ANTXR1: variants seen among roughly 807,000 people sequenced by gnomAD.
ANTXR1 encodes the protein ANTXR cell adhesion molecule 1, also known as anthrax toxin receptor 1.
Under a neutral mutation model 78.1 loss-of-function variants are expected in ANTXR1, and 19 were observed. The observed-to-expected ratio is 0.24, with a 90% CI of 0.17 to 0.36. ANTXR1 has a LOEUF of 0.36. Ranked by LOEUF, ANTXR1 falls within the 10% of genes least tolerant of loss-of-function variation. ANTXR1 has a pLI of 1.00. For missense variants in ANTXR1, 518 were observed against 718.6 expected (o/e 0.72, Z 3.19); for synonymous variants, 273 against 260.5 (o/e 1.05, Z -0.46).
At chr2:69,156,156 C>G (rs1673519709) in intron 13 of ANTXR1, among the ~76,000 whole-genome samples, 1 of 152,186 alleles carries the variant, frequency 6.6e-6, no homozygotes, top group Non-Finnish European at 1.5e-5. Context: ...TAACTTACCT[C>G]TATGGATAAG....
chr2:69,030,002 G>A (rs770782084), intron 1 of ANTXR1, among the ~76,000 whole-genome samples: 7 of 152,230 alleles, frequency 4.6e-5, no homozygotes, highest in Admixed American at 2.6e-4. Flanking sequence ...AAGAAGATGC[G>A]GTTTATTCTT....
intron 12 of ANTXR1, among the ~76,000 whole-genome samples, chr2:69,134,171 T>G (rs35701323): frequency 0.19 from 28,669 of 152,134 alleles, 3,183 homozygotes; most frequent in East Asian, 0.42. Context: ...TTGTGTTCAG[T>G]ACCAAGGACA....
intron 9 of ANTXR1, 60 bp downstream of exon 9, chr2:69,090,979 C>G: frequency 6.5e-7 from 1 of 1,529,732 alleles, no homozygotes; most frequent in South Asian, 1.1e-5. Flanking sequence ...GAGTTCAAGT[C>G]ACGTATGTAC....
At chr2:69,222,176 GTCT>G (rs1209174454) in intron 17 of ANTXR1, among the ~76,000 whole-genome samples, 1 of 152,150 alleles carries the variant, frequency 6.6e-6, no homozygotes, top group African/African-American at 2.4e-5. Context: ...TCACTCTCCT[GTCT>G]TCTTGTCATT....
rs1553373484 is a variant in ANTXR1, at chr2:69,183,587, T to TTTG, written c.1353+929_1353+930insGTT. On this transcript the variant is annotated intron_variant, in intron 16 of 17. Coordinates refer to ENST00000303714, the MANE Select transcript of ANTXR1 (RefSeq NM_032208.3). ...CAGCTAATTTTTGTTTTTTTTTTTT[T>TTTG]TTTTTTTTTTTTGAGGGACGGATTT... Among the ~76,000 whole-genome samples the TTTG allele has an allele frequency of 2.6e-3, 364 of 140,632 alleles. 4 individuals carry two copies. The highest frequency in any genetic ancestry group is 9.9e-3 in the African/African-American group (350 of 35,466). The allele number at this position is 140,632 out of a possible 152,430, so 92.3% of individuals were successfully genotyped here.
At chr2:69,054,248 G>C (rs1051002095) in intron 3 of ANTXR1, among the ~76,000 whole-genome samples, 1 of 152,128 alleles carries the variant, frequency 6.6e-6, no homozygotes, top group East Asian at 1.9e-4. Flanking sequence ...TTGAACTCAA[G>C]AAGCGCTATC....
At chr2:69,202,892 AG>A (rs1404587707) in intron 17 of ANTXR1, among the ~76,000 whole-genome samples, 1 of 152,176 alleles carries the variant, frequency 6.6e-6, no homozygotes. Flanking sequence ...AAAAGATGGG[AG>A]CTTATTTTCT....
In ANTXR1 at chr2:69,193,522, C is replaced by T. The variant is rs1209708161; in HGVS notation, c.1434+107C>T. ...TTTTTCTCTCTCCATCTTTGTAGAG[C>T]TAAAATAACTTTGGATTCTAAAACA... On this transcript the variant is annotated intron_variant, in intron 17 of 17. Coordinates refer to ENST00000303714, the MANE Select transcript of ANTXR1 (RefSeq NM_032208.3). The T allele has an allele frequency of 2.7e-5, 28 of 1,037,486 alleles. No individual in the cohort carries two copies. In the East Asian group the frequency reaches 6.6e-4, roughly 25 times the overall value. The allele number at this position is 1,037,486 out of a possible 1,614,324, so 64.3% of individuals were successfully genotyped here.
At chr2:69,148,938 T>C (rs772503132) in intron 12 of ANTXR1, among the ~76,000 whole-genome samples, 1 of 152,168 alleles carries the variant, frequency 6.6e-6, no homozygotes, top group Non-Finnish European at 1.5e-5. Flanking sequence ...GGGGAAATAA[T>C]AGACCCTCAA....
chr2:69,024,805 G>A (rs550192622), intron 1 of ANTXR1, among the ~76,000 whole-genome samples: 15 of 152,114 alleles, frequency 9.9e-5, no homozygotes, highest in Admixed American at 2.6e-4. Context: ...CCAGTTATTG[G>A]TCTCTTTGCT....
chr2:69,059,832 C>T (rs1159727215), intron 3 of ANTXR1, among the ~76,000 whole-genome samples: 1 of 151,976 alleles, frequency 6.6e-6, no homozygotes, highest in Non-Finnish European at 1.5e-5. Flanking sequence ...CAAGGTATGC[C>T]TGTAGATAAC....
intron 1 of ANTXR1, among the ~76,000 whole-genome samples, chr2:69,016,220 G>A (rs957502942): frequency 2.0e-5 from 3 of 152,320 alleles, no homozygotes; most frequent in East Asian, 3.9e-4. Context: ...TAGTTAGTGC[G>A]ATTGAGGAAG....
At chr2:69,223,642 A>C (rs1275473098) in intron 17 of ANTXR1, among the ~76,000 whole-genome samples, 1 of 152,188 alleles carries the variant, frequency 6.6e-6, no homozygotes, top group Non-Finnish European at 1.5e-5. Flanking sequence ...TCATCATCAT[A>C]ATGACAAAAA....
At chr2:69,116,022 A>C (rs1248696173) in intron 10 of ANTXR1, among the ~76,000 whole-genome samples, 1 of 152,134 alleles carries the variant, frequency 6.6e-6, no homozygotes, top group African/African-American at 2.4e-5. Context: ...TTCGGCTTTG[A>C]ATCTTCTCAT....
intron 2 of ANTXR1, among the ~76,000 whole-genome samples, chr2:69,040,757 A>G (rs1042663758): frequency 2.6e-5 from 4 of 152,216 alleles, no homozygotes; most frequent in Non-Finnish European, 4.4e-5. Flanking sequence ...GCAGCCTCCA[A>G]GGGATAACAC....
At chr2:69,185,799 G>A (rs1674403261) in intron 16 of ANTXR1, among the ~76,000 whole-genome samples, 1 of 152,140 alleles carries the variant, frequency 6.6e-6, no homozygotes, top group South Asian at 2.1e-4. Flanking sequence ...AGTGTCTTAG[G>A]AGTCAACTAA....
intron 13 of ANTXR1, among the ~76,000 whole-genome samples, chr2:69,161,044 C>A (rs1573943696): frequency 6.6e-6 from 1 of 152,180 alleles, no homozygotes; most frequent in South Asian, 2.1e-4. Flanking sequence ...CCTTCTGTGC[C>A]CTGCTCAGAT....
rs1410737752 is a variant in ANTXR1 at position 69,235,108 on chromosome 2, C to CCA, written c.1435-10115_1435-10114dup. 2.0e-5 allele frequency among the ~76,000 whole-genome samples: 3 copies of CCA among 149,768 alleles called. No homozygotes were observed. The East Asian group carries it at 6.1e-4, about 30-fold the overall frequency. ...GCACAATCTTGGCTCACCGCAACCT[C>CCA]CACCTCCTGGGTTCAAGCGATTCTC... On this transcript the variant is annotated intron_variant, in intron 17 of 17. Coordinates refer to ENST00000303714, the MANE Select transcript of ANTXR1 (RefSeq NM_032208.3).
chr2:69,236,015 C>A (rs1418953939), intron 17 of ANTXR1, among the ~76,000 whole-genome samples: 2 of 152,120 alleles, frequency 1.3e-5, no homozygotes, highest in Non-Finnish European at 2.9e-5. Context: ...CTTTATAAAA[C>A]CATCAGCTCT....
Sources: allele counts gnomAD v4.1 joint callset (sites outside exome capture counted in the v4.1 genomes callset), GRCh38; gene constraint gnomAD v4.1.1; transcripts MANE v1.5; gene names NCBI Gene and HGNC (gene_info 2026-07-23, HGNC 2026-07-21).